The following EEA1 variants were observed in gnomAD, a reference collection of about 807,000 sequenced individuals.
EEA1 encodes early endosome antigen 1, 162kD.
EEA1 carries 111 observed loss-of-function variants against 209.2 expected under a neutral mutation model. That is an observed-to-expected ratio of 0.53 (90% CI 0.45 to 0.62). The LOEUF is 0.62. Ranked by LOEUF, EEA1 falls within the 20% of genes least tolerant of loss-of-function variation. The pLI, the probability that EEA1 is intolerant of heterozygous loss-of-function variation, is 0.00. For synonymous variants in EEA1, 536 were observed against 540.6 expected (o/e 0.99, Z 0.12); for missense variants, 1,343 against 1,530.8 (o/e 0.88, Z 2.05).
Position 92,811,372 on chromosome 12 carries a change from T to A in EEA1, c.2106A>T (p.Glu702Asp), listed in dbSNP as rs760537009. 6.2e-7 allele frequency: 1 copy of A among 1,606,404 alleles called. No homozygotes were observed. The highest frequency in any genetic ancestry group is 2.3e-5 in the East Asian group (1 of 44,332). ...GATGACTTTCCAGCTGACTGCAATG[T>A]TCTTGCTTGTCTTGTAACTTTGCAG... ...QVTAKLQDKQ[E>D]HCSQLESHLK... Residue 702 changes from glutamate to aspartate, a missense_variant, in exon 17 of 29, where the codon GAA (glutamate) becomes GAT (aspartate). Transcript: ENST00000322349.
intron 1 of EEA1, among the ~76,000 whole-genome samples, chr12:92,917,569 T>A (rs1880818505): frequency 6.6e-6 from 1 of 151,608 alleles, no homozygotes; most frequent in South Asian, 2.1e-4. Context: ...CCACCAGACC[T>A]GCCCTAAAAG....
At chr12:92,828,504 T>G (rs746699989) in intron 11 of EEA1, among the ~76,000 whole-genome samples, 4 of 151,994 alleles carry the variant, frequency 2.6e-5, no homozygotes, top group Non-Finnish European at 5.9e-5. Context: ...TTTTTACATT[T>G]GGGTATTGGA....
intron 18 of EEA1, among the ~76,000 whole-genome samples, chr12:92,808,322 C>T (rs1412647207): frequency 1.3e-5 from 2 of 152,146 alleles, no homozygotes; most frequent in African/African-American, 4.8e-5. Context: ...AGAATATACA[C>T]TGATTAAAAC....
chr12:92,809,507 G>A (rs1397142061), intron 17 of EEA1, among the ~76,000 whole-genome samples: 1 of 137,404 alleles, frequency 7.3e-6, no homozygotes, highest in Non-Finnish European at 1.5e-5. Context: ...CCAACATGGT[G>A]AAACCTTATC....
At position 92,874,092 on chromosome 12, in the gene EEA1, C is replaced by G. The variant is rs188313981; in HGVS notation, c.118-9105G>C. Among the ~76,000 whole-genome samples the G allele has an allele frequency of 5.2e-3, 788 of 152,088 alleles. 3 individuals are homozygous for G. Among genetic ancestry groups the G allele is most frequent in the Non-Finnish European group, 8.5e-3 (576 of 68,010 alleles). Reference sequence around the variant, plus strand: ...CTTTGGGAGGCTAAAGCAGGCAGATCGCTTGAGCCTAGGAATTTGAGACCT... The same window carrying G: ...CTTTGGGAGGCTAAAGCAGGCAGATGGCTTGAGCCTAGGAATTTGAGACCT... On this transcript the variant is annotated intron_variant, in intron 2 of 28. Transcript: ENST00000322349.
chr12:92,810,663 T>TG (rs1875446936), intron 17 of EEA1, among the ~76,000 whole-genome samples: 1 of 152,014 alleles, frequency 6.6e-6, no homozygotes, highest in South Asian at 2.1e-4. Flanking sequence ...AAATTTTTTT[T>TG]TTTTTTATTT....
intron 3 of EEA1, chr12:92,858,667 A>G (rs981776183): frequency 6.8e-6 from 5 of 737,458 alleles, no homozygotes; most frequent in African/African-American, 3.4e-5. Flanking sequence ...TTGAGGTGCT[A>G]TGCTTCCCAT....
chr12:92,847,374 A>G (rs956642371), intron 9 of EEA1, among the ~76,000 whole-genome samples: 4 of 152,222 alleles, frequency 2.6e-5, no homozygotes, highest in African/African-American at 7.2e-5. Context: ...TAAGTCCTAT[A>G]ATTCACTAAC....
chr12:92,830,160 A>G (rs953291488), intron 11 of EEA1, among the ~76,000 whole-genome samples: 1 of 152,030 alleles, frequency 6.6e-6, no homozygotes, highest in Non-Finnish European at 1.5e-5. Context: ...TATTTTTTAA[A>G]TTTTTTCAAA....
intron 2 of EEA1, among the ~76,000 whole-genome samples, chr12:92,877,134 C>CTTTTTTTTTT (rs111935498): frequency 1.2e-4 from 15 of 129,734 alleles, no homozygotes; most frequent in Non-Finnish European, 1.5e-4. Flanking sequence ...TTTCTTTTTT[C>CTTTTTTTTTT]TTTTTTTTTT....
chr12:92,853,795 T>G, intron 6 of EEA1, 120 bp downstream of exon 6: 1 of 768,260 alleles, frequency 1.3e-6, no homozygotes, highest in South Asian at 2.2e-5. Context: ...CTTCACTGTT[T>G]TAGAGTCATA....
chr12:92,916,154 T>C (rs1880752699), intron 1 of EEA1, among the ~76,000 whole-genome samples: 2 of 152,222 alleles, frequency 1.3e-5, no homozygotes, highest in African/African-American at 4.8e-5. Flanking sequence ...AAGTTTAAAG[T>C]ATAGGGTGTT....
At chr12:92,846,784 A>G (rs917104440) in intron 9 of EEA1, among the ~76,000 whole-genome samples, 5 of 152,202 alleles carry the variant, frequency 3.3e-5, no homozygotes, top group African/African-American at 1.2e-4. Context: ...TTCAATGAAA[A>G]TAATAAACAC....
chr12:92,808,971 T>C lies in EEA1; in HGVS notation c.2339+46A>G, dbSNP rs200506646. 3.8e-4 allele frequency: 588 copies of C among 1,528,488 alleles called. 2 individuals carry two copies. The highest frequency in any genetic ancestry group is 2.8e-3 in the Middle Eastern group (16 of 5,774). The allele number at this position is 1,528,488 out of a possible 1,614,324, so 94.7% of individuals were successfully genotyped here. A position where few individuals can be genotyped will look rare whatever the true frequency, so the allele number is the denominator to read the frequency against. On this transcript the variant is annotated intron_variant, in intron 18 of 28. Coordinates refer to ENST00000322349, the MANE Select transcript of EEA1 (RefSeq NM_003566.4). The stretch of plus-strand genomic sequence containing the variant: ...ATCTGAAGGAAATTTTAATACTTAG[T>C]TCACAATCTTTTCCCTTAATTTGTA...
rs755676033 is a variant in EEA1 at position 92,802,727 on chromosome 12, T to G, written c.2347A>C (p.Ser783Arg). The G allele has an allele frequency of 6.4e-7, 1 of 1,565,692 alleles. No homozygotes were observed. The highest frequency in any genetic ancestry group is 2.2e-5 in the Admixed American group (1 of 45,708). ...QLEMEKEIVS[S>R]TRLDLQKKSE... ...TTTTTCTGTAGATCCAATCTTGTAC[T>G]GGATACTCTAAATATTTAAAAAACA... The change falls in exon 19 of 29, where the codon AGT becomes CGT. Residue 783 changes from serine (S) to arginine (R), a missense_variant. By Grantham distance (110) the Ser-to-Arg change is moderately radical. This residue lies in a region of EEA1 where 1,307 missense variants were observed against 1,465.5 expected (regional missense o/e 0.89). Transcript: ENST00000322349.
At chr12:92,899,632 T>C (rs1880068691) in intron 1 of EEA1, among the ~76,000 whole-genome samples, 1 of 152,206 alleles carries the variant, frequency 6.6e-6, no homozygotes, top group South Asian at 2.1e-4. Context: ...TTGGGAAAGT[T>C]AGGATCATCT....
chr12:92,842,479 T>C lies in EEA1; in HGVS notation c.901A>G (p.Thr301Ala). ...QKLKSSVNELTQKNQTLTENL... is the reference protein window; with the variant it reads ...QKLKSSVNELAQKNQTLTENL... ...AAAATTCTCACCTGATTTTTTTGTG[T>C]TAATTCATTAACTGAACTTTTCAGT... is the stretch of plus-strand genomic sequence containing the variant. Residue 301 changes from threonine to alanine, a missense_variant, in exon 10 of 29, where the codon ACA becomes GCA. This residue lies in a region of EEA1 where 1,307 missense variants were observed against 1,465.5 expected (regional missense o/e 0.89). Transcript: ENST00000322349. 6.4e-7 allele frequency: 1 copy of C among 1,573,682 alleles called. No homozygotes were observed. The highest frequency in any genetic ancestry group is 8.7e-7 in the Non-Finnish European group (1 of 1,148,256).
chr12:92,877,134 CTT>C (rs111935498), intron 2 of EEA1, among the ~76,000 whole-genome samples: 9 of 129,714 alleles, frequency 6.9e-5, no homozygotes, highest in Non-Finnish European at 9.9e-5. Context: ...TTTCTTTTTT[CTT>C]TTTTTTTTTT....
At chr12:92,924,201 CTTTTTTTTTTT>C (rs754907902) in intron 1 of EEA1, among the ~76,000 whole-genome samples, 1 of 94,534 alleles carries the variant, frequency 1.1e-5, no homozygotes, top group Non-Finnish European at 2.1e-5. Flanking sequence ...ACATTTAAGA[CTTTTTTTTTTT>C]TTTTTTTTTT....
Sources: allele counts gnomAD v4.1 joint callset (sites outside exome capture counted in the v4.1 genomes callset), GRCh38; gene constraint gnomAD v4.1.1; regional missense constraint gnomAD v4.1.1; transcripts MANE v1.5; gene names NCBI Gene and HGNC (gene_info 2026-07-23, HGNC 2026-07-21).